Variants in PLD1 observed in about 807,000 individuals in gnomAD.
The protein encoded by PLD1 is choline phosphatase 1.
Under a neutral mutation model 137.1 loss-of-function variants are expected in PLD1, and 112 were observed. The ratio of observed to expected loss-of-function variants is 0.82; its 90% CI spans 0.70 to 0.96. PLD1 has a LOEUF of 0.96. PLD1 is among the 40% of genes least tolerant of loss of function. PLD1 has a pLI of 0.00. For missense variants in PLD1, 1,321 were observed against 1,342.0 expected, an observed-to-expected ratio of 0.98 and a Z score of 0.24; for synonymous variants, 431 against 454.7, an observed-to-expected ratio of 0.95 and a Z score of 0.66.
chr3:171,639,452 A>G (rs1307869028), intron 23 of PLD1, among the ~76,000 whole-genome samples: 1 of 122,928 alleles, frequency 8.1e-6, no homozygotes, highest in African/African-American at 3.3e-5. Flanking sequence ...AAAATTATAT[A>G]AATTAGATAT....
intron 19 of PLD1, among the ~76,000 whole-genome samples, chr3:171,671,951 A>C (rs1712809637): frequency 6.6e-6 from 1 of 151,526 alleles, no homozygotes; most frequent in Non-Finnish European, 1.5e-5. Flanking sequence ...ACCAGGTCCA[A>C]ATTCACTAGG....
At chr3:171,694,624 T>C (rs1715515461) in intron 12 of PLD1, among the ~76,000 whole-genome samples, 1 of 151,692 alleles carries the variant, frequency 6.6e-6, no homozygotes, top group Non-Finnish European at 1.5e-5. Flanking sequence ...TCAACCTAAA[T>C]AGTAGAACAT....
At chr3:171,746,882 G>C (rs780285652) in intron 1 of PLD1, among the ~76,000 whole-genome samples, 2 of 152,214 alleles carry the variant, frequency 1.3e-5, no homozygotes, top group South Asian at 2.1e-4. Context: ...CCTTCAATAC[G>C]GTGGAAGGTT....
chr3:171,611,349 G>A (rs1228766104), intron 25 of PLD1: 1 of 205,318 alleles, frequency 4.9e-6, no homozygotes, highest in Non-Finnish European at 1.0e-5. Flanking sequence ...TGTTCCTTGT[G>A]AGATAAGAAG....
intron 1 of PLD1, among the ~76,000 whole-genome samples, chr3:171,763,748 GT>G (rs1272082992): frequency 6.6e-5 from 10 of 150,736 alleles, no homozygotes; most frequent in African/African-American, 2.4e-4. Context: ...AAATATTCTT[GT>G]AAGCCAATTC....
intron 23 of PLD1, among the ~76,000 whole-genome samples, chr3:171,621,793 C>G (rs1265396273): frequency 6.6e-6 from 1 of 152,180 alleles, no homozygotes. Flanking sequence ...GACACTTCAT[C>G]TGAAGAATCA....
chr3:171,749,882 G>A (rs1043446694), intron 1 of PLD1, among the ~76,000 whole-genome samples: 2 of 152,202 alleles, frequency 1.3e-5, no homozygotes, highest in African/African-American at 2.4e-5. Flanking sequence ...GTACTAAAAT[G>A]ACTTTAACAG....
chr3:171,742,591 T>A (rs1476430042), intron 1 of PLD1, among the ~76,000 whole-genome samples: 2 of 152,068 alleles, frequency 1.3e-5, no homozygotes, highest in Non-Finnish European at 2.9e-5. Context: ...TAAAAAAAAA[T>A]TATGATTAGA....
At chr3:171,656,602 T>G (rs1470379211) in intron 21 of PLD1, among the ~76,000 whole-genome samples, 11 of 152,254 alleles carry the variant, frequency 7.2e-5, no homozygotes. Context: ...CAGGCCCCGA[T>G]CCAGGAAATT....
At chr3:171,658,436 T>C (rs1737395080) in intron 21 of PLD1, among the ~76,000 whole-genome samples, 1 of 152,152 alleles carries the variant, frequency 6.6e-6, no homozygotes, top group Admixed American at 6.5e-5. Context: ...ATAAATACAA[T>C]GTGGTATATC....
intron 1 of PLD1, among the ~76,000 whole-genome samples, chr3:171,798,874 C>G (rs1723531423): frequency 6.6e-6 from 1 of 152,118 alleles, no homozygotes; most frequent in African/African-American, 2.4e-5. Context: ...GCCTCACACT[C>G]TTTTTTAGGA....
At chr3:171,638,349 T>C (rs980547988) in intron 23 of PLD1, among the ~76,000 whole-genome samples, 2 of 152,276 alleles carry the variant, frequency 1.3e-5, no homozygotes, top group Admixed American at 6.5e-5. Context: ...AATTTTTAAA[T>C]TTATTTAAAA....
chr3:171,706,894 T>C (rs562768957), intron 11 of PLD1, among the ~76,000 whole-genome samples: 1 of 152,212 alleles, frequency 6.6e-6, no homozygotes, highest in Non-Finnish European at 1.5e-5. Context: ...TCCATCTCTT[T>C]ATATGTTTAA....
intron 1 of PLD1, among the ~76,000 whole-genome samples, chr3:171,763,878 T>C (rs1223768011): frequency 6.9e-6 from 1 of 143,964 alleles, no homozygotes; most frequent in Non-Finnish European, 1.5e-5. Context: ...TCTGTCTCCA[T>C]GCCGATGAAG....
intron 1 of PLD1, among the ~76,000 whole-genome samples, chr3:171,764,390 C>A (rs764761102): frequency 6.6e-6 from 1 of 152,046 alleles, no homozygotes; most frequent in Non-Finnish European, 1.5e-5. Flanking sequence ...TTACAAGAAC[C>A]CTCTAAGGTA....
chr3:171,702,272 G>A (rs1716311594), intron 11 of PLD1, among the ~76,000 whole-genome samples: 1 of 152,114 alleles, frequency 6.6e-6, no homozygotes, highest in African/African-American at 2.4e-5. Flanking sequence ...GATTGCATAA[G>A]CCCAGGAGTT....
chr3:171,736,428 A>T (rs2178533), intron 3 of PLD1, among the ~76,000 whole-genome samples: 44,779 of 151,960 alleles, frequency 0.29, 7,053 homozygotes, highest in Admixed American at 0.33. Context: ...ACATGTTATT[A>T]TCTTTCAATC....
At position 171,612,559 on chromosome 3, in the gene PLD1, G is replaced by A; in HGVS notation, c.2729-127C>T. ...TGTCCAGGTTTTCAAGGGAAGATGT[G>A]TTTTTAGGGAGGTGGGGCCCTCCCT... is the stretch of plus-strand genomic sequence containing the variant. On this transcript the variant is annotated intron_variant, in intron 24 of 26. Transcript: ENST00000351298. This position sits in a 1 kb window ranked among gnomAD's most constrained non-coding sequence, Gnocchi z 4.1. The A allele has an allele frequency of 1.2e-6, 1 of 857,030 alleles. No individual in the cohort carries two copies. The highest frequency in any genetic ancestry group is 2.1e-5 in the Admixed American group (1 of 46,952). The allele number at this position is 857,030 out of a possible 1,614,324, so 53.1% of individuals were successfully genotyped here. A position where few individuals can be genotyped will look rare whatever the true frequency, so the allele number is the denominator to read the frequency against.
chr3:171,713,833 GA>G (rs1717452534), intron 9 of PLD1, 59 bp downstream of exon 9: 21 of 1,436,222 alleles, frequency 1.5e-5, no homozygotes, highest in South Asian at 2.4e-5. Flanking sequence ...TTAAGGTTGA[GA>G]AAAAAATGTT....
Sources: allele counts gnomAD v4.1 joint callset (sites outside exome capture counted in the v4.1 genomes callset), GRCh38; gene constraint gnomAD v4.1.1; non-coding constraint Gnocchi (gnomAD v3.1); transcripts MANE v1.5; gene names NCBI Gene and HGNC (gene_info 2026-07-23, HGNC 2026-07-21).